Variants in KCNB2 observed in about 807,000 individuals in gnomAD.
The protein encoded by KCNB2 is potassium voltage-gated channel subfamily B member 2.
A neutral mutation model predicts 61.5 loss-of-function variants in KCNB2; 15 were observed. The observed-to-expected ratio is 0.24, with a 90% CI of 0.16 to 0.38. The LOEUF is 0.38. Among genes scored for constraint, KCNB2 ranks in the 10% least tolerant of loss-of-function variants. The pLI, the probability that KCNB2 is intolerant of heterozygous loss-of-function variation, is 1.00. For missense variants in KCNB2, 828 were observed against 1,125.2 expected (o/e 0.74, Z 3.78); for synonymous variants, 457 against 446.0 (o/e 1.02, Z -0.31).
intron 2 of KCNB2, among the ~76,000 whole-genome samples, chr8:72,731,667 G>A (rs1249465422): frequency 6.6e-6 from 1 of 152,144 alleles, no homozygotes; most frequent in Non-Finnish European, 1.5e-5. Flanking sequence ...CTCAGCTTCC[G>A]TTGCCTCTCA....
chr8:72,604,432 C>T (rs1416218301), intron 2 of KCNB2, among the ~76,000 whole-genome samples: 1 of 152,162 alleles, frequency 6.6e-6, no homozygotes, highest in Non-Finnish European at 1.5e-5. Context: ...TGGGATGTGG[C>T]ATTTAAGAGC....
chr8:72,612,264 A>T (rs1434072366), intron 2 of KCNB2, among the ~76,000 whole-genome samples: 1 of 152,224 alleles, frequency 6.6e-6, no homozygotes, highest in Non-Finnish European at 1.5e-5. Context: ...AAATCAAAGG[A>T]TTGAACAATG....
At chr8:72,548,402 G>A (rs1806293928) in intron 1 of KCNB2, among the ~76,000 whole-genome samples, 2 of 152,114 alleles carry the variant, frequency 1.3e-5, no homozygotes. Flanking sequence ...ATTGTTAAAG[G>A]CCCCCTGTCC....
intron 2 of KCNB2, among the ~76,000 whole-genome samples, chr8:72,624,720 G>A (rs990708249): frequency 2.6e-5 from 4 of 152,134 alleles, no homozygotes; most frequent in East Asian, 1.9e-4. Flanking sequence ...CCCACCTCCT[G>A]GTGTTCAAAT....
chr8:72,648,103 C>G (rs1445698060), intron 2 of KCNB2, among the ~76,000 whole-genome samples: 3 of 152,210 alleles, frequency 2.0e-5, no homozygotes, highest in Non-Finnish European at 4.4e-5. Flanking sequence ...GGATGCAGCC[C>G]TAGGTTACTA....
chr8:72,710,983 T>C (rs1221969449), intron 2 of KCNB2, among the ~76,000 whole-genome samples: 1 of 152,188 alleles, frequency 6.6e-6, no homozygotes, highest in East Asian at 1.9e-4. Context: ...TGACAAACAA[T>C]ACCAAAATCC....
intron 2 of KCNB2, among the ~76,000 whole-genome samples, chr8:72,926,200 T>C (rs538871850): frequency 1.0e-3 from 156 of 152,240 alleles, no homozygotes; most frequent in African/African-American, 3.7e-3. Flanking sequence ...CGTTTACCTA[T>C]GTAACAAATC....
chr8:72,782,256 G>C (rs572417591), intron 2 of KCNB2, among the ~76,000 whole-genome samples: 1 of 152,240 alleles, frequency 6.6e-6, no homozygotes, highest in South Asian at 2.1e-4. Flanking sequence ...TTCCAGGGAA[G>C]TCCACTTAAT....
At position 72,806,614 on chromosome 8, in the gene KCNB2, C is replaced by CA. The variant is rs981542475; in HGVS notation, c.580-129309dup. Among the ~76,000 whole-genome samples, 622 of 129,536 alleles carry CA rather than the reference C, an allele frequency of 4.8e-3. 3 individuals are homozygous for CA. Among genetic ancestry groups the CA allele is most frequent in the African/African-American group, 9.8e-3 (344 of 34,954 alleles). 85.0% of individuals were successfully genotyped at this position (129,536 alleles called of 152,430 possible). A position where few individuals can be genotyped will look rare whatever the true frequency, so the allele number is the denominator to read the frequency against. ...TGGGCGACAGAGTGAGAATCAGTCT[C>CA]AAAAAAAAAAAAGATGAATAATTTA... On this transcript the variant is annotated intron_variant, in intron 2 of 2. Coordinates refer to ENST00000523207, the MANE Select transcript of KCNB2 (RefSeq NM_004770.3).
rs1807582758 is a variant in KCNB2 at position 72,723,354 on chromosome 8, CTA to C, written c.579+155042_579+155043del. ...TGGGGTAACACTAGAACTAAAGAAA[CTA>C]AAATTCTTAATAGTCACTAAAAAAC... is the stretch of plus-strand genomic sequence containing the variant. On this transcript the variant is annotated intron_variant, in intron 2 of 2. Transcript: ENST00000523207. Among the ~76,000 whole-genome samples the C allele has an allele frequency of 3.3e-5, 5 of 152,278 alleles. 1 individual carries two copies. Among genetic ancestry groups the C allele is most frequent in the Admixed American group, 3.3e-4 (5 of 15,302 alleles).
intron 2 of KCNB2, among the ~76,000 whole-genome samples, chr8:72,801,388 C>A (rs770865386): frequency 6.6e-6 from 1 of 152,130 alleles, no homozygotes; most frequent in Non-Finnish European, 1.5e-5. Flanking sequence ...TGGTGAGCCC[C>A]CTTGGGAAAA....
intron 2 of KCNB2, among the ~76,000 whole-genome samples, chr8:72,791,965 G>A (rs758554515): frequency 4.8e-4 from 73 of 152,308 alleles, no homozygotes; most frequent in Non-Finnish European, 8.8e-4. Flanking sequence ...TCCTACCAGT[G>A]AGTGTACCTA....
chr8:72,686,745 A>G (rs1022337976), intron 2 of KCNB2, among the ~76,000 whole-genome samples: 9 of 152,166 alleles, frequency 5.9e-5, no homozygotes, highest in Non-Finnish European at 1.0e-4. Flanking sequence ...TGTTCACCCT[A>G]TGGTAGAATT....
At chr8:72,886,703 G>A (rs942185508) in intron 2 of KCNB2, among the ~76,000 whole-genome samples, 11 of 152,224 alleles carry the variant, frequency 7.2e-5, no homozygotes, top group Non-Finnish European at 1.6e-4. Context: ...CCCTGATGCT[G>A]CCCTGGCAAT....
At chr8:72,651,443 G>A (rs987845977) in intron 2 of KCNB2, among the ~76,000 whole-genome samples, 2 of 152,084 alleles carry the variant, frequency 1.3e-5, no homozygotes, top group Non-Finnish European at 2.9e-5. Flanking sequence ...TGAATTTGAA[G>A]TACTTACCAT....
At chr8:72,840,310 T>C (rs888162329) in intron 2 of KCNB2, among the ~76,000 whole-genome samples, 1 of 152,230 alleles carries the variant, frequency 6.6e-6, no homozygotes, top group Non-Finnish European at 1.5e-5. Context: ...CAGTCTATCA[T>C]TGATAGGTAT....
intron 2 of KCNB2, among the ~76,000 whole-genome samples, chr8:72,777,395 A>G (rs930878173): frequency 3.9e-5 from 6 of 152,158 alleles, no homozygotes; most frequent in Non-Finnish European, 7.3e-5. Flanking sequence ...CAATTTAGAA[A>G]TGATAGAGAC....
intron 2 of KCNB2, among the ~76,000 whole-genome samples, chr8:72,602,770 C>A (rs905684282): frequency 6.6e-5 from 10 of 152,120 alleles, no homozygotes; most frequent in Non-Finnish European, 1.3e-4. Flanking sequence ...GAGCCTGACA[C>A]CTTCATGAGA....
At chr8:72,824,808 T>A (rs1223967359) in intron 2 of KCNB2, among the ~76,000 whole-genome samples, 1 of 152,156 alleles carries the variant, frequency 6.6e-6, no homozygotes, top group Non-Finnish European at 1.5e-5. Context: ...ATGGGATCCC[T>A]TGCAAGGCTT....
Sources: gnomAD v4.1 joint callset for allele counts (sites outside exome capture counted in the v4.1 genomes callset) on GRCh38, gnomAD v4.1.1 for gene constraint, MANE v1.5 for transcripts, NCBI Gene and HGNC (gene_info 2026-07-23, HGNC 2026-07-21) for gene names.